FRMD6: variants seen among roughly 807,000 people sequenced by gnomAD.
FRMD6 encodes FERM domain containing 6.
In FRMD6, 37 loss-of-function variants were observed where a neutral mutation model predicts 73.2. That is an observed-to-expected ratio of 0.51 (90% CI 0.39 to 0.66). The LOEUF (loss-of-function observed/expected upper bound fraction) is 0.66. FRMD6 is among the 30% of genes least tolerant of loss of function. The pLI is 0.00. For synonymous variants in FRMD6, 273 were observed against 282.2 expected (o/e 0.97, Z 0.33); for missense variants, 714 against 780.5 (o/e 0.91, Z 1.02).
the FRMD6 span, among the ~76,000 whole-genome samples, chr14:51,408,258 C>T: frequency 8.6e-3 from 1,306 of 151,796 alleles, 19 homozygotes; most frequent in Middle Eastern, 0.048. Flanking sequence ...CTCCTAAGCT[C>T]GGGTGATCCT....
chr14:51,547,750 G>A (rs998617947), intron 1 of FRMD6: 6 of 151,840 alleles, frequency 4.0e-5, no homozygotes, highest in Admixed American at 6.6e-5. Context: ...TAATCTTGTG[G>A]CCATACCAAG....
the FRMD6 span, among the ~76,000 whole-genome samples, chr14:51,419,991 T>A: frequency 7.6e-6 from 1 of 132,432 alleles, no homozygotes; most frequent in African/African-American, 2.6e-5. Flanking sequence ...TCATGTGACT[T>A]CCTGCCCTCG....
chr14:51,428,460 T>G, the FRMD6 span, among the ~76,000 whole-genome samples: 4 of 152,174 alleles, frequency 2.6e-5, no homozygotes, highest in Non-Finnish European at 4.4e-5. Context: ...AGCAGACAAC[T>G]CCAGTCTCCA....
chr14:51,680,964 C>A (rs1230417036), intron 1 of FRMD6, among the ~76,000 whole-genome samples: 1 of 152,150 alleles, frequency 6.6e-6, no homozygotes, highest in Non-Finnish European at 1.5e-5. Context: ...ATGACTCTTA[C>A]TACAAAAAAA....
chr14:51,646,533 T>C (rs1181179007), intron 2 of FRMD6, among the ~76,000 whole-genome samples: 1 of 151,724 alleles, frequency 6.6e-6, no homozygotes, highest in South Asian at 2.1e-4. Context: ...GTGGAGGGAA[T>C]TGCCTCCCAA....
chr14:51,583,963 T>A (rs1159509658), intron 2 of FRMD6, among the ~76,000 whole-genome samples: 1 of 152,162 alleles, frequency 6.6e-6, no homozygotes, highest in Non-Finnish European at 1.5e-5. Flanking sequence ...GTGAGAAAAC[T>A]TTTATATAGA....
chr14:51,468,875 C>T, the FRMD6 span, among the ~76,000 whole-genome samples: 1 of 152,120 alleles, frequency 6.6e-6, no homozygotes, highest in Admixed American at 6.5e-5. Flanking sequence ...TTGAAACAGT[C>T]ATATGGGTTT....
chr14:51,571,528 GTTAA>G (rs1380686232), intron 2 of FRMD6, among the ~76,000 whole-genome samples: 26 of 152,144 alleles, frequency 1.7e-4, no homozygotes, highest in African/African-American at 6.0e-4. Context: ...GGGAATCCCT[GTTAA>G]TTAATTATCT....
intron 2 of FRMD6, among the ~76,000 whole-genome samples, chr14:51,622,278 T>C (rs1890953804): frequency 6.6e-6 from 1 of 152,258 alleles, no homozygotes; most frequent in African/African-American, 2.4e-5. Flanking sequence ...AGCAACCTGT[T>C]GTGATTTCTT....
At chr14:51,604,128 A>G (rs114213913) in intron 2 of FRMD6, among the ~76,000 whole-genome samples, 2,192 of 152,282 alleles carry the variant, frequency 0.014, 49 homozygotes, top group African/African-American at 0.05. Context: ...ACTACTTGCA[A>G]TAGTGAGAGA....
In FRMD6 at chr14:51,635,480, C is replaced by G. The variant is rs74655445; in HGVS notation, c.-146-54211C>G. Among the ~76,000 whole-genome samples the G allele has an allele frequency of 2.7e-3, 414 of 152,342 alleles. 1 individual carries two copies. Among genetic ancestry groups the G allele is most frequent in the African/African-American group, 9.3e-3 (385 of 41,584 alleles). ...TGAATTACAGGAGCCCAAGTACTGG[C>G]AAACACAATCTTCAGCATATCAGTA... On this transcript the variant is annotated intron_variant, in intron 2 of 14. Coordinates refer to the FRMD6 transcript ENST00000356218.
chr14:51,688,350 T>A (rs1190759597), intron 1 of FRMD6, among the ~76,000 whole-genome samples: 1 of 152,186 alleles, frequency 6.6e-6, no homozygotes, highest in Non-Finnish European at 1.5e-5. Flanking sequence ...TGATTACCAT[T>A]TGTTTTAGTT....
At chr14:51,437,501 A>G in the FRMD6 span, among the ~76,000 whole-genome samples, 56,242 of 151,946 alleles carry the variant, frequency 0.37, 10,834 homozygotes, top group Middle Eastern at 0.41. Context: ...ACGGGATTTC[A>G]CCGTGTTAGC....
intron 1 of FRMD6, among the ~76,000 whole-genome samples, chr14:51,518,293 G>A (rs1470018816): frequency 6.6e-6 from 1 of 152,094 alleles, no homozygotes; most frequent in Non-Finnish European, 1.5e-5. Flanking sequence ...AGAAATCAAG[G>A]ACACAAAAGA....
intron 1 of FRMD6, among the ~76,000 whole-genome samples, chr14:51,533,614 C>A (rs988983996): frequency 1.1e-4 from 17 of 152,180 alleles, no homozygotes; most frequent in African/African-American, 4.1e-4. Flanking sequence ...GACATTTCTA[C>A]CAGGCTTGTC....
rs1270502602 is a variant in FRMD6, at chr14:51,720,396, A to G, written c.1360+6A>G. 9.9e-6 allele frequency: 16 copies of G among 1,609,572 alleles called. No homozygotes were observed. The highest frequency in any genetic ancestry group is 1.4e-5 in the Non-Finnish European group (16 of 1,176,942). Reference sequence around the variant, plus strand: ...AGAGGACTTACAGGACGATGGTAACAGTACTGTCCCCTCACTGGCTCTCTG... The same window carrying G: ...AGAGGACTTACAGGACGATGGTAACGGTACTGTCCCCTCACTGGCTCTCTG... On this transcript the variant is annotated splice_donor_region_variant and intron_variant, in intron 11 of 13. Transcript: ENST00000344768.
intron 1 of FRMD6, among the ~76,000 whole-genome samples, chr14:51,553,170 A>C (rs1039821910): frequency 1.3e-5 from 2 of 152,268 alleles, no homozygotes; most frequent in African/African-American, 4.8e-5. Context: ...TGGAGTTAAA[A>C]GTCTCTACTG....
At chr14:51,533,383 G>T (rs1885698964) in intron 1 of FRMD6, among the ~76,000 whole-genome samples, 1 of 152,252 alleles carries the variant, frequency 6.6e-6, no homozygotes, top group Non-Finnish European at 1.5e-5. Context: ...GATAAAACAG[G>T]TTCCACATTA....
At chr14:51,618,699 C>T (rs1471968579) in intron 2 of FRMD6, among the ~76,000 whole-genome samples, 1 of 152,008 alleles carries the variant, frequency 6.6e-6, no homozygotes. Context: ...GATGGAGTAG[C>T]CCCTGGCTAA....
Sources: allele counts gnomAD v4.1 joint callset (sites outside exome capture counted in the v4.1 genomes callset), GRCh38; gene constraint gnomAD v4.1.1; transcripts MANE v1.5; gene names NCBI Gene and HGNC (gene_info 2026-07-23, HGNC 2026-07-21).